Variants in UBR1 observed in about 807,000 individuals in gnomAD.
UBR1 encodes the protein ubiquitin protein ligase E3 component n-recognin 1, also known as E3 ubiquitin-protein ligase UBR1.
A neutral mutation model predicts 242.1 loss-of-function variants in UBR1; 102 were observed. That is an observed-to-expected ratio of 0.42 (90% CI 0.36 to 0.50). The LOEUF (loss-of-function observed/expected upper bound fraction) is 0.50, where lower values mean the gene tolerates loss of function less well. Among genes scored for constraint, UBR1 ranks in the 20% least tolerant of loss-of-function variants. The pLI is 0.01. For missense variants in UBR1, 1,772 were observed against 2,101.8 expected (o/e 0.84, Z 3.07); for synonymous variants, 675 against 684.8 (o/e 0.99, Z 0.22).
chr15:42,968,510 C>T (rs900046491), intron 40 of UBR1, among the ~76,000 whole-genome samples: 3 of 151,850 alleles, frequency 2.0e-5, no homozygotes, highest in African/African-American at 7.3e-5. Flanking sequence ...CAGGCATGAA[C>T]CATTGCACCT....
rs200503963 is a variant in UBR1, at chr15:43,004,473, T to C, written c.3416-543A>G. Among the ~76,000 whole-genome samples the C allele has an allele frequency of 2.7e-3, 407 of 152,232 alleles. 8 individuals carry two copies. The East Asian group carries it at 0.069, about 26-fold the overall frequency. ...GCCGCCATCTCGGCTCACTGCAACC[T>C]CCCTGCCTGATTCTCCTGCCTCAGC... On this transcript the variant is annotated intron_variant, in intron 30 of 46. Coordinates refer to ENST00000290650, the MANE Select transcript of UBR1 (RefSeq NM_174916.3).
chr15:43,011,256 AAGATATTAATACAAAAAG>A (rs975380174), intron 29 of UBR1, among the ~76,000 whole-genome samples: 2 of 152,180 alleles, frequency 1.3e-5, no homozygotes, highest in African/African-American at 4.8e-5. Flanking sequence ...TTTCTTAAAC[AAGATATTAATACAAAAAG>A]TTAAAACTCT....
At chr15:43,004,916 T>A (rs1469690190) in intron 30 of UBR1, among the ~76,000 whole-genome samples, 1 of 135,100 alleles carries the variant, frequency 7.4e-6, no homozygotes, top group Non-Finnish European at 1.6e-5. Context: ...CCAGCCGCCA[T>A]CCCGTCTAGG....
chr15:43,102,460 GTATT>G (rs767691288), intron 1 of UBR1, among the ~76,000 whole-genome samples: 27 of 152,274 alleles, frequency 1.8e-4, no homozygotes, highest in Non-Finnish European at 3.8e-4. Flanking sequence ...CATACAAATG[GTATT>G]TAAAGTCACA....
At chr15:43,017,252 C>T (rs931394334) in intron 27 of UBR1, 71 bp from the exon 28 acceptor site, 1 of 1,069,430 alleles carries the variant, frequency 9.4e-7, no homozygotes, top group Non-Finnish European at 1.4e-6. Context: ...GAAACATTCA[C>T]TAATCTGATT....
intron 4 of UBR1, among the ~76,000 whole-genome samples, chr15:43,072,673 T>A (rs1331467350): frequency 6.6e-6 from 1 of 152,228 alleles, no homozygotes; most frequent in Non-Finnish European, 1.5e-5. Context: ...CTCATAGATG[T>A]CCTTTATCAG....
intron 29 of UBR1, among the ~76,000 whole-genome samples, chr15:43,014,359 G>A (rs948014140): frequency 6.6e-6 from 1 of 151,124 alleles, no homozygotes; most frequent in African/African-American, 2.4e-5. Flanking sequence ...TGGGATGTGA[G>A]GAGCCCCTCT....
chr15:43,098,362 C>A (rs8042279), intron 1 of UBR1, among the ~76,000 whole-genome samples: 1 of 152,112 alleles, frequency 6.6e-6, no homozygotes, highest in Non-Finnish European at 1.5e-5. Context: ...AAATGTGACA[C>A]AATGACACGA....
chr15:42,995,374 C>T (rs953363901), intron 33 of UBR1, among the ~76,000 whole-genome samples: 1 of 151,608 alleles, frequency 6.6e-6, no homozygotes, highest in African/African-American at 2.4e-5. Context: ...AAACAAGTAG[C>T]AAAGGCTGGG....
chr15:43,014,010 T>C (rs949507216), intron 29 of UBR1, among the ~76,000 whole-genome samples: 4 of 152,132 alleles, frequency 2.6e-5, no homozygotes, highest in Admixed American at 2.0e-4. Flanking sequence ...GCCTGCAGAG[T>C]GCCTGCGATT....
At position 43,090,889 on chromosome 15, in the gene UBR1, C is replaced by G. The variant is rs569951834; in HGVS notation, c.82-4649G>C. 3.3e-5 allele frequency among the ~76,000 whole-genome samples: 5 copies of G among 152,028 alleles called. No individual in the cohort carries two copies. The East Asian group carries it at 9.6e-4, about 29-fold the overall frequency. Reference sequence around the variant, plus strand: ...TATCCTAAGTCCTAAAGTTCAGTGCCCATTCTACTAAACCAAACATAAATA... The same window carrying G: ...TATCCTAAGTCCTAAAGTTCAGTGCGCATTCTACTAAACCAAACATAAATA... On this transcript the variant is annotated intron_variant, in intron 1 of 46. Transcript: ENST00000290650.
intron 42 of UBR1, among the ~76,000 whole-genome samples, chr15:42,962,765 C>T (rs2032044526): frequency 6.6e-6 from 1 of 152,196 alleles, no homozygotes; most frequent in South Asian, 2.1e-4. Flanking sequence ...GCTGGGATTA[C>T]ATGCATGAGC....
intron 30 of UBR1, among the ~76,000 whole-genome samples, chr15:43,006,313 T>A (rs2032828921): frequency 6.6e-6 from 1 of 152,220 alleles, no homozygotes; most frequent in African/African-American, 2.4e-5. Flanking sequence ...AACAAGTGCC[T>A]GGCAATGTTA....
At position 42,999,121 on chromosome 15, in the gene UBR1, A is replaced by G. The variant is rs367850932; in HGVS notation, c.3660-856T>C. On this transcript the variant is annotated intron_variant, in intron 32 of 46. Transcript: ENST00000290650. ...ACGCCCAGCTAATTTTTGTATTTTT[A>G]GCAGAGACAAGGTTTCACCATGTTG... 2.8e-4 allele frequency among the ~76,000 whole-genome samples: 43 copies of G among 152,080 alleles called. 1 individual carries two copies. The East Asian group carries it at 5.2e-3, about 19-fold the overall frequency.
intron 1 of UBR1, among the ~76,000 whole-genome samples, chr15:43,088,713 C>A (rs2034068685): frequency 6.6e-6 from 1 of 151,694 alleles, no homozygotes; most frequent in Non-Finnish European, 1.5e-5. Flanking sequence ...GGAGAAACAA[C>A]AAACTATTAA....
chr15:42,971,063 G>C (rs1364377593), intron 39 of UBR1, among the ~76,000 whole-genome samples: 1 of 152,040 alleles, frequency 6.6e-6, no homozygotes, highest in Non-Finnish European at 1.5e-5. Context: ...AAAGTTGTTA[G>C]GTAAACTTTA....
At chr15:43,083,725 T>G (rs541068297) in intron 2 of UBR1, among the ~76,000 whole-genome samples, 4 of 152,082 alleles carry the variant, frequency 2.6e-5, no homozygotes, top group South Asian at 2.1e-4. Context: ...ATTGAAGAGA[T>G]AAAATTGGGG....
In UBR1 at chr15:42,950,278, T is replaced by C. The variant is rs748150323; in HGVS notation, c.5092A>G (p.Thr1698Ala). The change falls in exon 46 of 47, where the codon ACA becomes GCA. Residue 1698 changes from threonine to alanine, a missense_variant. By Grantham distance (58) the Thr-to-Ala change is moderately conservative (BLOSUM62 0). Around this residue, in one of 3 missense-constraint regions of UBR1, gnomAD observed 965 missense variants for 1,079.7 expected, o/e 0.89. Transcript: ENST00000290650. ...AAATCTTACTTCAGGCCAGGGTCTG[T>C]TTCTCCATATTCATCCAAGTAAGGA... The part of the protein sequence containing the change: ...PAPYLDEYGE[T>A]DPGLKRGNPL... 3.0e-5 allele frequency: 49 copies of C among 1,614,184 alleles called. No individual in the cohort carries two copies. The highest frequency in any genetic ancestry group is 3.8e-5 in the Non-Finnish European group (45 of 1,180,024).
chr15:43,013,149 C>T (rs949092022), intron 29 of UBR1, among the ~76,000 whole-genome samples: 2 of 152,224 alleles, frequency 1.3e-5, no homozygotes, highest in African/African-American at 4.8e-5. Flanking sequence ...AGATGATCCA[C>T]CTGCCTCGGC....
Sources: allele counts gnomAD v4.1 joint callset (sites outside exome capture counted in the v4.1 genomes callset), GRCh38; gene constraint gnomAD v4.1.1; regional missense constraint gnomAD v4.1.1; transcripts MANE v1.5; gene names NCBI Gene and HGNC (gene_info 2026-07-23, HGNC 2026-07-21).